The following TNPO2 variants were observed in gnomAD, a reference collection of about 807,000 sequenced individuals.
TNPO2 encodes transportin 2.
A neutral mutation model predicts 111.1 loss-of-function variants in TNPO2; 16 were observed. The ratio of observed to expected loss-of-function variants is 0.14; its 90% CI spans 0.10 to 0.22. TNPO2 has a LOEUF of 0.22. Ranked by LOEUF, TNPO2 falls within the 10% of genes least tolerant of loss-of-function variation. TNPO2 has a pLI of 1.00. For missense variants in TNPO2, 530 were observed against 1,173.7 expected (o/e 0.45, Z 8.01); for synonymous variants, 481 against 475.8 (o/e 1.01, Z -0.14).
In TNPO2 at chr19:12,719,010, C is replaced by T; in HGVS notation, c.325+19G>A. On this transcript the variant is annotated intron_variant, in intron 5 of 25. Coordinates refer to ENST00000425528, the MANE Select transcript of TNPO2 (RefSeq NM_001382241.1). The surrounding 1 kb of genome is among the most constrained non-coding windows in gnomAD (Gnocchi z 5.0). ...AGTTCAGTGTGTCCTCAGAGGCCAA[C>T]CCCCGCTGCCCCTCTCACCAATGGT... 6.2e-7 allele frequency: 1 copy of T among 1,606,776 alleles called. No individual in the cohort carries two copies.
chr19:12,723,182 A>C (rs1028685943), intron 2 of TNPO2, 67 bp downstream of exon 2: 7 of 152,232 alleles, frequency 4.6e-5, no homozygotes, highest in African/African-American at 9.6e-5. Context: ...CAAGGATATA[A>C]ATTTTTGAAT....
rs1159142435 is a variant in TNPO2 at position 12,721,068 on chromosome 19, G to C, written c.-13-78C>G. ...ACCCAGGTGGAGCCCCTGAGGCCGC[G>C]GTGGCCGCATGACGACGGGAACGCC... On this transcript the variant is annotated intron_variant, in intron 2 of 25. Transcript: ENST00000425528. This position sits in a 1 kb window ranked among gnomAD's most constrained non-coding sequence, Gnocchi z 4.9. 2.0e-6 allele frequency: 3 copies of C among 1,531,962 alleles called. No homozygotes were observed. Among genetic ancestry groups the C allele is most frequent in the Non-Finnish European group, 2.6e-6 (3 of 1,144,882 alleles). 94.9% of individuals were successfully genotyped at this position (1,531,962 alleles called of 1,614,324 possible).
rs1230708049 is a variant in TNPO2, at chr19:12,721,222, G to A, written c.-13-232C>T. ...AGGGGGGATGTGGAAACGGGCCACA[G>A]GCGGCGGCGGCGGGGCCCGGCGGAT... On this transcript the variant is annotated intron_variant, in intron 2 of 25. Coordinates refer to ENST00000425528, the MANE Select transcript of TNPO2 (RefSeq NM_001382241.1). This position sits in a 1 kb window ranked among gnomAD's most constrained non-coding sequence, Gnocchi z 4.9. 3.5e-6 allele frequency: 4 copies of A among 1,157,490 alleles called. No homozygotes were observed. Among genetic ancestry groups the A allele is most frequent in the African/African-American group, 3.3e-5 (2 of 60,180 alleles). 71.7% of individuals were successfully genotyped at this position (1,157,490 alleles called of 1,614,324 possible). A position where few individuals can be genotyped will look rare whatever the true frequency, so the allele number is the denominator to read the frequency against.
rs866646810 is a variant in TNPO2, at chr19:12,705,494, T to G, written c.1861A>C (p.Met621Leu). 2.5e-6 allele frequency: 4 copies of G among 1,593,222 alleles called. No homozygotes were observed. The Middle Eastern group carries it at 6.6e-4, about 264-fold the overall frequency. Residue 621 changes from methionine to leucine, a missense_variant and splice_region_variant, in exon 17 of 26, where the codon ATG (methionine) becomes CTG (leucine). Met to Leu is a conservative substitution (Grantham distance 15). Around this residue, in one of 4 missense-constraint regions of TNPO2, gnomAD observed 183 missense variants for 481.0 expected, o/e 0.38. Transcript: ENST00000425528. This position sits in a 1 kb window ranked among gnomAD's most constrained non-coding sequence, Gnocchi z 7.2. Reference protein sequence around the residue: ...TLVQKTLAQAMMYTQHPEQYE... With the variant: ...TLVQKTLAQALMYTQHPEQYE... ...GTGACGGGCCTAGGGTTGCTCACCATGGCCTGAGCCAGTGTCTTCTGCACC... is the reference window on the plus strand; with the variant it reads ...GTGACGGGCCTAGGGTTGCTCACCAGGGCCTGAGCCAGTGTCTTCTGCACC...
At chr19:12,703,671 C>T in intron 19 of TNPO2, 43 bp downstream of exon 19, 2 of 1,597,468 alleles carry the variant, frequency 1.3e-6, no homozygotes, top group Non-Finnish European at 1.7e-6. Flanking sequence ...TCACTTGAGG[C>T]CGGGGCTGGG....
Position 12,706,083 on chromosome 19 carries a change from C to G in TNPO2, c.1668+113G>C. The G allele has an allele frequency of 8.1e-7, 1 of 1,236,824 alleles. No homozygotes were observed. Among genetic ancestry groups the G allele is most frequent in the South Asian group, 1.4e-5 (1 of 68,988 alleles). 76.6% of individuals were successfully genotyped at this position (1,236,824 alleles called of 1,614,324 possible). ...CGAGGGCGGGGCCGGGTCTGTCTGT[C>G]TGCCTGTCGAGGTCACGGCCACGTC... On this transcript the variant is annotated intron_variant, in intron 15 of 25. Coordinates refer to ENST00000425528, the MANE Select transcript of TNPO2 (RefSeq NM_001382241.1). The surrounding 1 kb of genome is among the most constrained non-coding windows in gnomAD (Gnocchi z 7.0).
At chr19:12,711,911 G>A (rs1305678452) in intron 10 of TNPO2, among the ~76,000 whole-genome samples, 4 of 150,754 alleles carry the variant, frequency 2.7e-5, no homozygotes, top group Non-Finnish European at 4.4e-5. Flanking sequence ...CCCTGTGGGC[G>A]GCAAGCCACC....
Position 12,700,686 on chromosome 19 carries a change from C to T in TNPO2, c.*578G>A, listed in dbSNP as rs1408583983. ...AGCCCTCCCCAGTCACCGCCAATTC[C>T]GGCAAAACAGCAGAAGCTTCTTAAA... is the stretch of plus-strand genomic sequence containing the variant. On this transcript the variant is annotated 3_prime_UTR_variant, in exon 26 of 26. Transcript: ENST00000425528. 2.8e-5 allele frequency: 4 copies of T among 144,554 alleles called. No homozygotes were observed. The highest frequency in any genetic ancestry group is 4.5e-5 in the Non-Finnish European group (3 of 66,096). 9.0% of individuals were successfully genotyped at this position (144,554 alleles called of 1,614,324 possible). A position where few individuals can be genotyped will look rare whatever the true frequency, so the allele number is the denominator to read the frequency against.
intron 20 of TNPO2, 193 bp from the exon 21 acceptor site, chr19:12,703,111 C>T (rs1436708642): frequency 3.3e-6 from 2 of 598,376 alleles, no homozygotes; most frequent in South Asian, 2.1e-5. Flanking sequence ...GACCCACACC[C>T]TCCAAACAAC....
At chr19:12,720,806 C>CT in intron 3 of TNPO2, 73 bp downstream of exon 3, 2 of 1,508,364 alleles carry the variant, frequency 1.3e-6, no homozygotes, top group Non-Finnish European at 1.8e-6. Flanking sequence ...CAGTCCCTCT[C>CT]TTTCTCTCTC....
chr19:12,709,581 C>T (rs1333078908), intron 13 of TNPO2, among the ~76,000 whole-genome samples: 1 of 151,936 alleles, frequency 6.6e-6, no homozygotes, highest in Non-Finnish European at 1.5e-5. Flanking sequence ...GACCTCTCAC[C>T]TCAGCCTCCC....
At chr19:12,716,160 C>T (rs750359371) in intron 5 of TNPO2, among the ~76,000 whole-genome samples, 3 of 152,186 alleles carry the variant, frequency 2.0e-5, no homozygotes, top group Admixed American at 1.3e-4. Flanking sequence ...CGTGAGCCAC[C>T]GCTCCTGGCC....
Position 12,715,888 on chromosome 19 carries a change from G to A in TNPO2, c.326-149C>T, listed in dbSNP as rs184729741. ...CCCCTCCTTTTTTTTTTCTTTGTAA[G>A]AGATAGAATTAGCTCTGTTGCCCAG... is the stretch of plus-strand genomic sequence containing the variant. On this transcript the variant is annotated intron_variant, in intron 5 of 25. Transcript: ENST00000425528. The surrounding 1 kb of genome is among the most constrained non-coding windows in gnomAD (Gnocchi z 7.1). 1,143 of 646,576 alleles carry A rather than the reference G, an allele frequency of 1.8e-3. 15 individuals carry two copies. In the Admixed American group the frequency reaches 0.022, roughly 13 times the overall value. The allele number at this position is 646,576 out of a possible 1,614,324, so 40.1% of individuals were successfully genotyped here. A position where few individuals can be genotyped will look rare whatever the true frequency, so the allele number is the denominator to read the frequency against.
In TNPO2 at chr19:12,715,569, G is replaced by A. The variant is rs770609772; in HGVS notation, c.433-31C>T. On this transcript the variant is annotated intron_variant, in intron 6 of 25. Transcript: ENST00000425528. The surrounding 1 kb of genome is among the most constrained non-coding windows in gnomAD (Gnocchi z 7.1). Reference sequence around the variant, plus strand: ...TGCAGAGGGGCAGAGAGACAAACGTGGGTGGTGGGTGGTGGTCCCAGCCCC... The same window carrying A: ...TGCAGAGGGGCAGAGAGACAAACGTAGGTGGTGGGTGGTGGTCCCAGCCCC... The A allele has an allele frequency of 9.9e-6, 16 of 1,613,454 alleles. No homozygotes were observed. Among genetic ancestry groups the A allele is most frequent in the Admixed American group, 1.7e-5 (1 of 59,956 alleles).
At chr19:12,720,093 T>C (rs896304935) in intron 3 of TNPO2, among the ~76,000 whole-genome samples, 7 of 151,934 alleles carry the variant, frequency 4.6e-5, no homozygotes, top group African/African-American at 1.7e-4. Flanking sequence ...CTCCGCTCAC[T>C]GCAACCTCCG....
chr19:12,701,351 C>T lies in TNPO2; in HGVS notation c.2689G>A (p.Val897Ile). 1 of 1,613,492 alleles carries T rather than the reference C, an allele frequency of 6.2e-7. No homozygotes were observed. Among genetic ancestry groups the T allele is most frequent in the Non-Finnish European group, 8.5e-7 (1 of 1,179,596 alleles). The change falls in exon 25 of 26, where the codon GTC (valine) becomes ATC (isoleucine). Residue 897 changes from valine (V) to isoleucine (I), a missense_variant. Transcript: ENST00000425528. This position sits in a 1 kb window ranked among gnomAD's most constrained non-coding sequence, Gnocchi z 5.0. The stretch of plus-strand genomic sequence containing the variant: ...CTGGCAGTCTCCATGATCACCTAGA[C>T]CCCATAGAAAGCCGCCAGCCTCTCC... ...LKERLAAFYG[V>I]
Position 12,699,460 on chromosome 19 carries a change from TTTTTAAA to T in TNPO2, c.*1797_*1803del, listed in dbSNP as rs1409840684. 3.3e-4 allele frequency: 47 copies of T among 142,974 alleles called. 1 individual carries two copies. The highest frequency in any genetic ancestry group is 1.4e-3 in the African/African-American group (46 of 33,130). 8.9% of individuals were successfully genotyped at this position (142,974 alleles called of 1,614,324 possible). A position where few individuals can be genotyped will look rare whatever the true frequency, so the allele number is the denominator to read the frequency against. On this transcript the variant is annotated 3_prime_UTR_variant, in exon 26 of 26. Coordinates refer to ENST00000425528, the MANE Select transcript of TNPO2 (RefSeq NM_001382241.1). Reference sequence around the variant, plus strand: ...ATAAATTAAAAAATTAAATAGTTTTTTTTTAAAAAAAAAAAAAAAAAGGAAAACGAGA... The same window carrying T: ...ATAAATTAAAAAATTAAATAGTTTTTAAAAAAAAAAAAAAGGAAAACGAGA...
intron 5 of TNPO2, among the ~76,000 whole-genome samples, chr19:12,717,183 TGTGTGCCTCAGTGC>T (rs2026409714): frequency 6.6e-6 from 1 of 151,250 alleles, no homozygotes; most frequent in African/African-American, 2.5e-5. Context: ...CCCCTCATTC[TGTGTGCCTCAGTGC>T]TTCCAGCCCT....
intron 11 of TNPO2, 25 bp downstream of exon 11, chr19:12,711,528 C>T (rs779430361): frequency 4.3e-6 from 7 of 1,613,822 alleles, no homozygotes; most frequent in Non-Finnish European, 5.9e-6. Flanking sequence ...CCATGCCCAC[C>T]CATGCTGGGT....
Sources: gnomAD v4.1 joint callset for allele counts (sites outside exome capture counted in the v4.1 genomes callset) on GRCh38, gnomAD v4.1.1 for gene constraint, gnomAD v4.1.1 regional missense constraint, Gnocchi (gnomAD v3.1) non-coding constraint, MANE v1.5 for transcripts, NCBI Gene and HGNC (gene_info 2026-07-23, HGNC 2026-07-21) for gene names.